The following ENOX2 variants were observed in gnomAD, a reference collection of about 807,000 sequenced individuals.
ENOX2 encodes ecto-NOX disulfide-thiol exchanger 2.
In ENOX2, 36 loss-of-function variants were observed where a neutral mutation model predicts 45.0. The ratio of observed to expected loss-of-function variants is 0.80; its 90% CI spans 0.61 to 1.06. The LOEUF (loss-of-function observed/expected upper bound fraction) is 1.06. Ranked by LOEUF, ENOX2 falls within the 50% of genes least tolerant of loss-of-function variation. ENOX2 has a pLI of 0.00. For synonymous variants in ENOX2, 174 were observed against 152.3 expected, an observed-to-expected ratio of 1.14 and a Z score of -1.05; for missense variants, 423 against 462.5, an observed-to-expected ratio of 0.91 and a Z score of 0.78.
intron 2 of ENOX2, among the ~76,000 whole-genome samples, chrX:130,890,940 T>G (rs1428163759): frequency 1.8e-5 from 2 of 112,937 alleles, no homozygotes; most frequent in African/African-American, 6.4e-5. Context: ...ACTGTGGAAT[T>G]TAGTCTAGTG....
At chrX:130,886,294 CATA>C (rs572161520) in intron 2 of ENOX2, among the ~76,000 whole-genome samples, 86 of 112,741 alleles carry the variant, frequency 7.6e-4, no homozygotes, top group South Asian at 1.8e-3. Context: ...AGCGTAGGAG[CATA>C]ATATTTTAAG....
At chrX:130,765,827 T>C (rs777387641) in intron 3 of ENOX2, among the ~76,000 whole-genome samples, 1 of 111,839 alleles carries the variant, frequency 8.9e-6, no homozygotes, top group South Asian at 3.8e-4. Context: ...TTGTATATAT[T>C]CCTACAAATA....
intron 2 of ENOX2, among the ~76,000 whole-genome samples, chrX:130,842,100 A>G (rs1464683562): frequency 1.8e-5 from 2 of 112,654 alleles, no homozygotes; most frequent in Non-Finnish European, 3.8e-5. Context: ...CTGGCTCCTC[A>G]ACCAAGGGTC....
At chrX:130,804,542 C>T (rs2077269097) in intron 2 of ENOX2, among the ~76,000 whole-genome samples, 2 of 111,831 alleles carry the variant, frequency 1.8e-5, no homozygotes, top group South Asian at 7.5e-4. Flanking sequence ...CAGCCTTCAG[C>T]TGTTCCATCA....
chrX:130,712,796 G>A (rs1450647317), intron 3 of ENOX2, among the ~76,000 whole-genome samples: 1 of 111,037 alleles, frequency 9.0e-6, no homozygotes, highest in African/African-American at 3.3e-5. Context: ...CTGCTCTAAA[G>A]CTTTTTAATA....
chrX:130,625,922 T>TTCACA (rs776625477), intron 14 of ENOX2, among the ~76,000 whole-genome samples: 7 of 104,239 alleles, frequency 6.7e-5, no homozygotes, highest in African/African-American at 2.4e-4. Context: ...TCTCTCTCTT[T>TTCACA]CACACACACA....
At chrX:130,766,427 A>G (rs757569374) in intron 3 of ENOX2, among the ~76,000 whole-genome samples, 1 of 111,947 alleles carries the variant, frequency 8.9e-6, no homozygotes, top group Non-Finnish European at 1.9e-5. Context: ...TCTAACATGT[A>G]TTTTGATGAA....
chrX:130,851,083 G>T (rs930375802), intron 2 of ENOX2, among the ~76,000 whole-genome samples: 1 of 112,329 alleles, frequency 8.9e-6, no homozygotes, highest in Non-Finnish European at 1.9e-5. Context: ...AAAGGGCCAG[G>T]TGGCTCTGTA....
intron 4 of ENOX2, 48 bp downstream of exon 4, chrX:130,703,071 AC>A (rs780740808): frequency 1.7e-6 from 2 of 1,145,930 alleles, no homozygotes; most frequent in Non-Finnish European, 1.2e-6. Flanking sequence ...ATTTATAACC[AC>A]ATGGTCAATA....
chrX:130,760,958 T>C (rs1417477646), intron 3 of ENOX2, among the ~76,000 whole-genome samples: 2 of 109,003 alleles, frequency 1.8e-5, no homozygotes, highest in Non-Finnish European at 1.9e-5. Context: ...CCTGTGAATA[T>C]GGTAGATTAC....
At chrX:130,670,587 C>T (rs1282506920) in intron 6 of ENOX2, among the ~76,000 whole-genome samples, 13 of 110,480 alleles carry the variant, frequency 1.2e-4, no homozygotes, top group South Asian at 4.0e-4. Context: ...TGGCCTCAAA[C>T]GAACTTGTCT....
chrX:130,791,795 C>T (rs1206583718), intron 2 of ENOX2, among the ~76,000 whole-genome samples: 1 of 111,787 alleles, frequency 8.9e-6, no homozygotes, highest in African/African-American at 3.3e-5. Flanking sequence ...CAATCACACA[C>T]TCCACTCCTA....
At chrX:130,631,664 A>C (rs1048434438) in intron 12 of ENOX2, 88 bp from the exon 13 acceptor site, 6 of 499,554 alleles carry the variant, frequency 1.2e-5, no homozygotes, top group Non-Finnish European at 2.1e-5. Flanking sequence ...AACTTAACAC[A>C]GGACCATAAA....
At chrX:130,679,427 G>A (rs2148152367) in intron 6 of ENOX2, 115 bp downstream of exon 6, 1 of 577,368 alleles carries the variant, frequency 1.7e-6, no homozygotes, top group South Asian at 2.7e-5. Context: ...TTCCACCTCT[G>A]AAGGCAAGAG....
At position 130,656,344 on chromosome X, in the gene ENOX2, A is replaced by T. The variant is rs2036547037; in HGVS notation, c.1129+237T>A. 2.7e-5 allele frequency among the ~76,000 whole-genome samples: 3 copies of T among 112,471 alleles called. No individual in the cohort carries two copies. In the South Asian group the frequency reaches 1.1e-3, roughly 41 times the overall value. Reference sequence around the variant, plus strand: ...ATGCCCAGCGCTTTTTGGAAAAGAAAGTCCACTTTTAATTAGGCACTTCAA... The same window carrying T: ...ATGCCCAGCGCTTTTTGGAAAAGAATGTCCACTTTTAATTAGGCACTTCAA... On this transcript the variant is annotated intron_variant, in intron 10 of 14. Coordinates refer to ENST00000394363, the MANE Select transcript of ENOX2 (RefSeq NM_006375.4).
chrX:130,725,783 G>A (rs1057423599), intron 3 of ENOX2, among the ~76,000 whole-genome samples: 4 of 111,436 alleles, frequency 3.6e-5, no homozygotes, highest in Non-Finnish European at 5.7e-5. Flanking sequence ...AGTAATTCCT[G>A]CATCTCTAGA....
At chrX:130,676,794 T>C (rs1041458871) in intron 6 of ENOX2, among the ~76,000 whole-genome samples, 1 of 111,670 alleles carries the variant, frequency 9.0e-6, no homozygotes, top group Non-Finnish European at 1.9e-5. Context: ...CCTGGCCTAT[T>C]ACAACAGGCT....
In ENOX2 at chrX:130,665,730, C is replaced by G; in HGVS notation, c.927G>C (p.Val309=). Residue 309 remains valine (V), a synonymous_variant, in exon 9 of 15, where the codon GTG becomes GTC. Coordinates refer to ENST00000394363, the MANE Select transcript of ENOX2 (RefSeq NM_006375.4). Reference sequence around the variant, plus strand: ...CCTTCTGCTTGGAGGCGGAATGGTACACAGCCACTATCTGCTCAACTGCAG... The same window carrying G: ...CCTTCTGCTTGGAGGCGGAATGGTAGACAGCCACTATCTGCTCAACTGCAG... ...ILIQFEQIVA[V]YHSASKQKAW... The G allele has an allele frequency of 8.4e-7, 1 of 1,195,904 alleles. No homozygotes were observed. The highest frequency in any genetic ancestry group is 1.1e-6 in the Non-Finnish European group (1 of 884,212).
chrX:130,699,269 A>C (rs1049130281), intron 4 of ENOX2, among the ~76,000 whole-genome samples: 1 of 111,676 alleles, frequency 9.0e-6, no homozygotes, highest in African/African-American at 3.3e-5. Context: ...GCCTGTTTCT[A>C]CTCCCTACTC....
Sources: gnomAD v4.1 joint callset for allele counts (sites outside exome capture counted in the v4.1 genomes callset) on GRCh38, gnomAD v4.1.1 for gene constraint, MANE v1.5 for transcripts, NCBI Gene and HGNC (gene_info 2026-07-23, HGNC 2026-07-21) for gene names.